SMAD2: variants seen among roughly 807,000 people sequenced by gnomAD.
The protein encoded by SMAD2 is MAD homolog 2.
Under a neutral mutation model 64.4 loss-of-function variants are expected in SMAD2, and 8 were observed. That is an observed-to-expected ratio of 0.12 (90% CI 0.07 to 0.22). The LOEUF (loss-of-function observed/expected upper bound fraction) is 0.22. Ranked by LOEUF, SMAD2 falls within the 10% of genes least tolerant of loss-of-function variation. SMAD2 has a pLI of 1.00. For missense variants in SMAD2, 289 were observed against 561.2 expected (o/e 0.51, Z 4.90); for synonymous variants, 203 against 195.8 (o/e 1.04, Z -0.31).
chr18:47,822,518 A>G lies in SMAD2; in HGVS notation c.*19309T>C, dbSNP rs1268461179. ...TGTGTCTGTGACTTTTATTTGAAGC[A>G]TTATTGTTTTTTTACTTAAATGTTT... On this transcript the variant is annotated 3_prime_UTR_variant, in exon 11 of 11. Coordinates refer to ENST00000262160, the MANE Select transcript of SMAD2 (RefSeq NM_005901.6). The G allele has an allele frequency of 6.6e-6, 1 of 152,202 alleles. No individual in the cohort carries two copies. The highest frequency in any genetic ancestry group is 1.5e-5 in the Non-Finnish European group (1 of 68,042). 9.4% of individuals were successfully genotyped at this position (152,202 alleles called of 1,614,324 possible). A position where few individuals can be genotyped will look rare whatever the true frequency, so the allele number is the denominator to read the frequency against.
chr18:47,888,431 G>A (rs2033021905), intron 2 of SMAD2, among the ~76,000 whole-genome samples: 1 of 152,168 alleles, frequency 6.6e-6, no homozygotes, highest in South Asian at 2.1e-4. Context: ...TCCCCCTCAA[G>A]ACGCTTATCA....
chr18:47,892,198 ATTTTTTTTTTT>A lies in SMAD2; in HGVS notation c.236+4312_236+4322del, dbSNP rs35136920. 5.6e-5 allele frequency among the ~76,000 whole-genome samples: 8 copies of A among 142,384 alleles called. No homozygotes were observed. The East Asian group carries it at 1.6e-3, about 28-fold the overall frequency. The allele number at this position is 142,384 out of a possible 152,430, so 93.4% of individuals were successfully genotyped here. ...GAATGACAATAAACATTACCTAGAC[ATTTTTTTTTTT>A]TTTTTTTTTGAGACGGAATTTTGCT... On this transcript the variant is annotated intron_variant, in intron 2 of 10. Coordinates refer to ENST00000262160, the MANE Select transcript of SMAD2 (RefSeq NM_005901.6).
rs763105871 is a variant in SMAD2, at chr18:47,896,748, GGAC to G, written c.6_8del (p.Ser3del). The G allele has an allele frequency of 1.2e-6, 2 of 1,613,834 alleles. No individual in the cohort carries two copies. Among genetic ancestry groups the G allele is most frequent in the South Asian group, 2.2e-5 (2 of 91,068 alleles). ...CAACTGGCGGCGTGAATGGCAAGAT[GGAC>G]GACATGTTCTTACCAAAGGCAGCAA... On this transcript the variant is annotated inframe_deletion, in exon 2 of 11. Coordinates refer to ENST00000262160, the MANE Select transcript of SMAD2 (RefSeq NM_005901.6).
chr18:47,885,182 CATAT>C (rs1368241636), intron 2 of SMAD2, among the ~76,000 whole-genome samples: 5 of 139,984 alleles, frequency 3.6e-5, no homozygotes, highest in African/African-American at 1.0e-4. Flanking sequence ...CACACACACA[CATAT>C]ACCCTCCCCC....
chr18:47,827,045 T>G lies in SMAD2; in HGVS notation c.*14782A>C, dbSNP rs1213324211. On this transcript the variant is annotated 3_prime_UTR_variant, in exon 11 of 11. Coordinates refer to ENST00000262160, the MANE Select transcript of SMAD2 (RefSeq NM_005901.6). ...CAGGGTCCAAACCCCAGGCCTCCGA[T>G]TCTGAGTCAAACTGCATTTTCCATT... is the stretch of plus-strand genomic sequence containing the variant. 2 of 152,230 alleles carry G rather than the reference T, an allele frequency of 1.3e-5. No homozygotes were observed. The highest frequency in any genetic ancestry group is 2.4e-5 in the African/African-American group (1 of 41,460). The allele number at this position is 152,230 out of a possible 1,614,324, so 9.4% of individuals were successfully genotyped here. A position where few individuals can be genotyped will look rare whatever the true frequency, so the allele number is the denominator to read the frequency against.
intron 5 of SMAD2, among the ~76,000 whole-genome samples, chr18:47,865,672 AGT>A (rs1279983808): frequency 6.6e-6 from 1 of 152,214 alleles, no homozygotes; most frequent in Non-Finnish European, 1.5e-5. Flanking sequence ...CTATCTAAAA[AGT>A]GTGTTTCTCC....
rs1913006911 is a variant in SMAD2, at chr18:47,831,828, T to C, written c.*9999A>G. The stretch of plus-strand genomic sequence containing the variant: ...CTACAAATATTTCCATACCTATTTA[T>C]TGCAGCAAAAGATAATTTTTATGTG... On this transcript the variant is annotated 3_prime_UTR_variant, in exon 11 of 11. Transcript: ENST00000262160. 1 of 152,264 alleles carries C rather than the reference T, an allele frequency of 6.6e-6. No homozygotes were observed. Among genetic ancestry groups the C allele is most frequent in the Non-Finnish European group, 1.5e-5 (1 of 68,048 alleles). The allele number at this position is 152,264 out of a possible 1,614,324, so 9.4% of individuals were successfully genotyped here. A position where few individuals can be genotyped will look rare whatever the true frequency, so the allele number is the denominator to read the frequency against.
In SMAD2 at chr18:47,834,469, AG is replaced by A. The variant is rs992780111; in HGVS notation, c.*7357del. 3.9e-5 allele frequency: 8 copies of A among 203,728 alleles called. No homozygotes were observed. Among genetic ancestry groups the A allele is most frequent in the Non-Finnish European group, 7.0e-5 (7 of 99,374 alleles). The allele number at this position is 203,728 out of a possible 1,614,324, so 12.6% of individuals were successfully genotyped here. A position where few individuals can be genotyped will look rare whatever the true frequency, so the allele number is the denominator to read the frequency against. ...GGAAACCCTCAATCCCAGGCACTTT[AG>A]GGCAGCTGGTCACCCTGAGAACACT... is the stretch of plus-strand genomic sequence containing the variant. On this transcript the variant is annotated 3_prime_UTR_variant, in exon 11 of 11. Coordinates refer to ENST00000262160, the MANE Select transcript of SMAD2 (RefSeq NM_005901.6).
intron 2 of SMAD2, chr18:47,895,154 G>C (rs1233809711): frequency 1.3e-5 from 2 of 152,144 alleles, no homozygotes; most frequent in Admixed American, 6.5e-5. Flanking sequence ...GTTATATTCA[G>C]ACTAACATTC....
At chr18:47,867,457 T>C (rs996202532) in intron 5 of SMAD2, 2 of 152,080 alleles carry the variant, frequency 1.3e-5, no homozygotes, top group Non-Finnish European at 2.9e-5. Context: ...TTAAGAATTT[T>C]GTAAATGCTC....
At chr18:47,918,133 G>C (rs1267290425) in intron 1 of SMAD2, among the ~76,000 whole-genome samples, 2 of 152,216 alleles carry the variant, frequency 1.3e-5, no homozygotes, top group South Asian at 2.1e-4. Context: ...AAGGAATTCA[G>C]TTCTTAGATT....
intron 2 of SMAD2, among the ~76,000 whole-genome samples, chr18:47,885,704 G>T (rs922251978): frequency 1.3e-5 from 2 of 152,110 alleles, no homozygotes; most frequent in African/African-American, 4.8e-5. Flanking sequence ...ACTCACGCTT[G>T]TAATCCCAGC....
At chr18:47,910,823 G>C (rs1380668131) in intron 1 of SMAD2, among the ~76,000 whole-genome samples, 1 of 152,080 alleles carries the variant, frequency 6.6e-6, no homozygotes, top group East Asian at 1.9e-4. Context: ...TATTGGTAAG[G>C]CTTCCAGTCA....
rs573407968 is a variant in SMAD2, at chr18:47,824,108, C to T, written c.*17719G>A. 2.1e-4 allele frequency: 32 copies of T among 152,354 alleles called. No homozygotes were observed. Among genetic ancestry groups the T allele is most frequent in the African/African-American group, 7.2e-4 (30 of 41,578 alleles). The allele number at this position is 152,354 out of a possible 1,614,324, so 9.4% of individuals were successfully genotyped here. On this transcript the variant is annotated 3_prime_UTR_variant, in exon 11 of 11. Coordinates refer to ENST00000262160, the MANE Select transcript of SMAD2 (RefSeq NM_005901.6). ...ACCAATAACCCGGGAAAGGTCTATT[C>T]TGTCACCAAGGGACAATCAAAGCCT...
Position 47,813,994 on chromosome 18 carries a change from G to C in SMAD2, c.*27833C>G, listed in dbSNP as rs1912288015. The C allele has an allele frequency of 6.6e-6, 1 of 152,144 alleles. No individual in the cohort carries two copies. Among genetic ancestry groups the C allele is most frequent in the Non-Finnish European group, 1.5e-5 (1 of 68,072 alleles). The allele number at this position is 152,144 out of a possible 1,614,324, so 9.4% of individuals were successfully genotyped here. Reference sequence around the variant, plus strand: ...TTGGGGAGGGAAAGAAAAGTCTGTGGTGGAGGTGATAACCTGAACTTGGCT... The same window carrying C: ...TTGGGGAGGGAAAGAAAAGTCTGTGCTGGAGGTGATAACCTGAACTTGGCT... On this transcript the variant is annotated 3_prime_UTR_variant, in exon 11 of 11. Coordinates refer to ENST00000262160, the MANE Select transcript of SMAD2 (RefSeq NM_005901.6).
chr18:47,919,437 AACAG>A (rs1409685790), intron 1 of SMAD2, among the ~76,000 whole-genome samples: 1 of 129,542 alleles, frequency 7.7e-6, no homozygotes, highest in Non-Finnish European at 1.8e-5. Flanking sequence ...CCAACTAGAC[AACAG>A]AGTGTGACCT....
At chr18:47,888,890 G>T (rs1225079579) in intron 2 of SMAD2, among the ~76,000 whole-genome samples, 1 of 152,098 alleles carries the variant, frequency 6.6e-6, no homozygotes, top group Admixed American at 6.5e-5. Context: ...CTGCCACACA[G>T]AAGACTTTAA....
intron 2 of SMAD2, among the ~76,000 whole-genome samples, chr18:47,891,132 C>T (rs904040710): frequency 2.0e-5 from 3 of 152,146 alleles, no homozygotes; most frequent in Admixed American, 2.0e-4. Flanking sequence ...TGGAGAAACC[C>T]TGTCTCTACT....
chr18:47,809,419 G>A lies in SMAD2; in HGVS notation c.*32408C>T, dbSNP rs1229911200. On this transcript the variant is annotated 3_prime_UTR_variant, in exon 11 of 11. Transcript: ENST00000262160. ...GGAACTGGAACCAGGTAGAGATAAG[G>A]ATAACCTGTGGGGGAATTGTGAAGT... The A allele has an allele frequency of 6.6e-6, 1 of 152,348 alleles. No individual in the cohort carries two copies. The highest frequency in any genetic ancestry group is 2.4e-5 in the African/African-American group (1 of 41,440). The allele number at this position is 152,348 out of a possible 1,614,324, so 9.4% of individuals were successfully genotyped here.
Sources: allele counts gnomAD v4.1 joint callset (sites outside exome capture counted in the v4.1 genomes callset), GRCh38; gene constraint gnomAD v4.1.1; transcripts MANE v1.5; gene names NCBI Gene and HGNC (gene_info 2026-07-23, HGNC 2026-07-21).